The following COMMD1 variants were observed in gnomAD, a reference collection of about 807,000 sequenced individuals.
COMMD1 encodes the protein copper metabolism domain containing 1, also known as COMM domain-containing protein 1.
In COMMD1, 10 loss-of-function variants were observed where a neutral mutation model predicts 17.2. The observed-to-expected ratio is 0.58, with a 90% CI of 0.36 to 0.99. The LOEUF is 0.99. Among genes scored for constraint, COMMD1 ranks in the 50% least tolerant of loss-of-function variants. The pLI, the probability that COMMD1 is intolerant of heterozygous loss-of-function variation, is 0.01. For synonymous variants in COMMD1, 97 were observed against 91.6 expected (o/e 1.06, Z -0.34); for missense variants, 270 against 231.8 (o/e 1.17, Z -1.07).
intron 1 of COMMD1, among the ~76,000 whole-genome samples, chr2:61,993,073 T>G (rs796389617): frequency 2.6e-5 from 4 of 152,326 alleles, no homozygotes; most frequent in African/African-American, 9.6e-5. Context: ...CACACCATCC[T>G]GCCTGACCAC....
At chr2:62,035,042 G>T (rs1250491100) in intron 2 of COMMD1, among the ~76,000 whole-genome samples, 1 of 152,080 alleles carries the variant, frequency 6.6e-6, no homozygotes, top group Non-Finnish European at 1.5e-5. Flanking sequence ...AGGAAGTTTG[G>T]GATATGATTT....
At chr2:61,909,175 G>A (rs1669844186) in intron 1 of COMMD1, among the ~76,000 whole-genome samples, 1 of 152,024 alleles carries the variant, frequency 6.6e-6, no homozygotes, top group Admixed American at 6.6e-5. Flanking sequence ...TGATCTGCCC[G>A]CCTCGGCCTC....
chr2:61,965,350 A>G (rs1671478364), intron 1 of COMMD1, among the ~76,000 whole-genome samples: 1 of 152,168 alleles, frequency 6.6e-6, no homozygotes, highest in Non-Finnish European at 1.5e-5. Context: ...AAAATATGTT[A>G]TTTATTGGAG....
At chr2:61,980,937 CTTTT>C (rs1671937873) in intron 1 of COMMD1, among the ~76,000 whole-genome samples, 1 of 151,968 alleles carries the variant, frequency 6.6e-6, no homozygotes, top group South Asian at 2.1e-4. Context: ...GTATGTTTGC[CTTTT>C]TTATTTCTTT....
chr2:61,994,494 G>T (rs1668692876), intron 1 of COMMD1, among the ~76,000 whole-genome samples: 2 of 152,148 alleles, frequency 1.3e-5, no homozygotes, highest in South Asian at 2.1e-4. Flanking sequence ...TGCTCTGCCT[G>T]TGTTCTACTT....
At chr2:62,091,169 G>A (rs1348418807) in intron 2 of COMMD1, among the ~76,000 whole-genome samples, 1 of 152,184 alleles carries the variant, frequency 6.6e-6, no homozygotes, top group African/African-American at 2.4e-5. Context: ...GGGTTTGGAA[G>A]TATGTTTTCA....
intron 1 of COMMD1, among the ~76,000 whole-genome samples, chr2:61,948,956 T>C (rs1016811768): frequency 1.3e-5 from 2 of 152,030 alleles, no homozygotes; most frequent in African/African-American, 4.8e-5. Flanking sequence ...TTGGGAGATA[T>C]TTAGGTTTTC....
At chr2:62,105,279 AATCCTTG>A (rs1672298911) in intron 2 of COMMD1, among the ~76,000 whole-genome samples, 2 of 152,134 alleles carry the variant, frequency 1.3e-5, no homozygotes, top group African/African-American at 4.8e-5. Context: ...TTTCTATTGA[AATCCTTG>A]CTTGTCTGTC....
At chr2:62,068,119 T>C (rs1202430580) in intron 2 of COMMD1, among the ~76,000 whole-genome samples, 1 of 152,176 alleles carries the variant, frequency 6.6e-6, no homozygotes, top group Non-Finnish European at 1.5e-5. Context: ...TATAATACTA[T>C]ATAGAGTCCA....
chr2:61,972,250 G>C (rs2103726987), intron 1 of COMMD1, among the ~76,000 whole-genome samples: 1 of 152,302 alleles, frequency 6.6e-6, no homozygotes, highest in African/African-American at 2.4e-5. Flanking sequence ...GATGAAAAAT[G>C]AAGAAAATAA....
chr2:62,038,620 T>G (rs966401857), intron 2 of COMMD1, among the ~76,000 whole-genome samples: 5 of 152,182 alleles, frequency 3.3e-5, no homozygotes, highest in Non-Finnish European at 7.3e-5. Context: ...CGATCTTGGC[T>G]TATTGCAACC....
At chr2:62,067,360 A>G (rs1353352817) in intron 2 of COMMD1, among the ~76,000 whole-genome samples, 1 of 152,188 alleles carries the variant, frequency 6.6e-6, no homozygotes, top group African/African-American at 2.4e-5. Context: ...TTCTATTTGT[A>G]TAGTTCATTC....
At chr2:62,090,234 C>G (rs1344302297) in intron 2 of COMMD1, among the ~76,000 whole-genome samples, 1 of 152,046 alleles carries the variant, frequency 6.6e-6, no homozygotes, top group Non-Finnish European at 1.5e-5. Flanking sequence ...ATAAAGATAG[C>G]AAAGATTAGG....
At chr2:62,031,866 C>A (rs1183564422) in intron 2 of COMMD1, among the ~76,000 whole-genome samples, 1 of 152,176 alleles carries the variant, frequency 6.6e-6, no homozygotes, top group Non-Finnish European at 1.5e-5. Context: ...TCTGACATCT[C>A]AGAAACTGGG....
intron 1 of COMMD1, among the ~76,000 whole-genome samples, chr2:61,991,297 A>G (rs996058393): frequency 6.6e-6 from 1 of 152,228 alleles, no homozygotes; most frequent in African/African-American, 2.4e-5. Context: ...TGTGTGTGAG[A>G]GAATTTTATA....
chr2:62,066,932 G>T lies in COMMD1; in HGVS notation c.462+65950G>T, dbSNP rs533625691. Among the ~76,000 whole-genome samples, 29 of 150,548 alleles carry T rather than the reference G, an allele frequency of 1.9e-4. No individual in the cohort carries two copies. In the South Asian group the frequency reaches 3.6e-3, roughly 19 times the overall value. On this transcript the variant is annotated intron_variant, in intron 2 of 2. Coordinates refer to ENST00000311832, the MANE Select transcript of COMMD1 (RefSeq NM_152516.4). ...GTAGAGACAGGGTTTCACCATGTTG[G>T]CCAGGCTGATCACAAACTCCTGGTC...
chr2:61,965,416 A>G (rs1477388349), intron 1 of COMMD1, among the ~76,000 whole-genome samples: 3 of 152,214 alleles, frequency 2.0e-5, no homozygotes, highest in Non-Finnish European at 4.4e-5. Flanking sequence ...ACCAAATAGG[A>G]CCTTCAGAAA....
intron 1 of COMMD1, chr2:61,915,581 T>C (rs1670026871): frequency 2.8e-6 from 1 of 359,554 alleles, no homozygotes; most frequent in Non-Finnish European, 5.6e-6. Context: ...CCTTGACCTC[T>C]TGGGCTCCAA....
At chr2:62,000,600 TGATTTAAGA>T in intron 1 of COMMD1, 92 bp from the exon 2 acceptor site, 1 of 1,156,312 alleles carries the variant, frequency 8.6e-7, no homozygotes, top group African/African-American at 1.5e-5. Flanking sequence ...GCTATTTCAG[TGATTTAAGA>T]GTCACTCAAA....
Sources: gnomAD v4.1 joint callset for allele counts (sites outside exome capture counted in the v4.1 genomes callset) on GRCh38, gnomAD v4.1.1 for gene constraint, MANE v1.5 for transcripts, NCBI Gene and HGNC (gene_info 2026-07-23, HGNC 2026-07-21) for gene names.